KLC3: variants seen among roughly 807,000 people sequenced by gnomAD.
The protein encoded by KLC3 is kinesin light chain 3, also known as kinesin light chain 2.
A neutral mutation model predicts 62.9 loss-of-function variants in KLC3; 72 were observed. The observed-to-expected ratio is 1.15, with a 90% confidence interval of 0.95 to 1.39. KLC3 has a LOEUF of 1.39. KLC3 is among the 40% of genes most tolerant of loss of function. The pLI is 0.00. For synonymous variants in KLC3, 377 were observed against 300.5 expected (o/e 1.25, Z -2.63); for missense variants, 848 against 691.6 (o/e 1.23, Z -2.54).
chr19:45,342,354 G>A (rs1263675145), intron 1 of KLC3, among the ~76,000 whole-genome samples: 1 of 152,170 alleles, frequency 6.6e-6, no homozygotes, highest in East Asian at 1.9e-4. Flanking sequence ...GGGAGGCTGA[G>A]GCGGCGGGGA....
chr19:45,349,925 G>A (rs1326383070), intron 8 of KLC3: 1 of 429,254 alleles, frequency 2.3e-6, no homozygotes, highest in Non-Finnish European at 4.2e-6. Context: ...GCGTCCCTAT[G>A]AGGTGGGAGC....
chr19:45,350,500 A>G lies in KLC3; in HGVS notation c.1235-14A>G, dbSNP rs769867878. The stretch of plus-strand genomic sequence containing the variant: ...CTATGTCCCCATCTCAGTGTCCCCC[A>G]TCTTTCCCCCTAGGTGCCCCCAACA... On this transcript the variant is annotated splice_polypyrimidine_tract_variant and intron_variant, in intron 9 of 12. Coordinates refer to ENST00000391946, the MANE Select transcript of KLC3 (RefSeq NM_177417.3). The G allele has an allele frequency of 8.7e-6, 14 of 1,611,360 alleles. No individual in the cohort carries two copies. The highest frequency in any genetic ancestry group is 9.3e-6 in the Non-Finnish European group (11 of 1,179,136).
In KLC3 at chr19:45,348,018, C is replaced by A. The variant is rs1251256835; in HGVS notation, c.637C>A (p.Leu213Ile). The change falls in exon 5 of 13, where the codon CTC becomes ATC. Residue 213 changes from leucine to isoleucine, a missense_variant. By Grantham distance (5) the Leu-to-Ile change is conservative. Transcript: ENST00000391946. ...IPARLRTLHN[L>I]VIQYAGQGRY... The stretch of plus-strand genomic sequence containing the variant: ...TGCCCGCCTTCGGACCCTGCATAAC[C>A]TCGTGATCCAGTACGCGGGGCAGGG... 1 of 1,609,354 alleles carries A rather than the reference C, an allele frequency of 6.2e-7. No homozygotes were observed. Among genetic ancestry groups the A allele is most frequent in the Non-Finnish European group, 8.5e-7 (1 of 1,178,028 alleles).
chr19:45,341,110 G>C (rs918206279), intron 1 of KLC3, among the ~76,000 whole-genome samples: 1 of 152,128 alleles, frequency 6.6e-6, no homozygotes, highest in Non-Finnish European at 1.5e-5. Context: ...CCTGGTGCGC[G>C]GGGCTGGGCA....
rs1244015281 is a variant in KLC3, at chr19:45,348,128, C to T, written c.747C>T (p.Ala249=). The T allele has an allele frequency of 3.8e-6, 6 of 1,599,344 alleles. No individual in the cohort carries two copies. The highest frequency in any genetic ancestry group is 2.3e-5 in the East Asian group (1 of 44,264). The change falls in exon 5 of 13, where the codon GCC becomes GCT. Residue 249 remains alanine, a synonymous_variant. Coordinates refer to ENST00000391946, the MANE Select transcript of KLC3 (RefSeq NM_177417.3). ...RSSGHCHPDV[A]TMLNILALVY... ...CGGGCCACTGCCACCCTGACGTGGC[C>T]ACCATGCTCAACATCCTGGCGCTGG...
chr19:45,350,225 C>A, intron 8 of KLC3, 116 bp from the exon 9 acceptor site: 1 of 749,768 alleles, frequency 1.3e-6, no homozygotes. Flanking sequence ...AGTTCAAGAC[C>A]AGCCTGGGCA....
intron 1 of KLC3, among the ~76,000 whole-genome samples, chr19:45,343,421 G>A (rs189671933): frequency 3.9e-5 from 6 of 152,026 alleles, no homozygotes; most frequent in Non-Finnish European, 5.9e-5. Context: ...TGCAACCTCC[G>A]CCTCTCAGGT....
At position 45,346,756 on chromosome 19, in the gene KLC3, C is replaced by T; in HGVS notation, c.471C>T (p.Asp157=). 6.3e-7 allele frequency: 1 copy of T among 1,583,462 alleles called. No homozygotes were observed. The highest frequency in any genetic ancestry group is 8.6e-7 in the Non-Finnish European group (1 of 1,165,700). Reference sequence around the variant, plus strand: ...TCCTGGGGCAGCTGCGACAGTACGACCCACCGGCGGAGAGCCAGGTGCCAC... The same window carrying T: ...TCCTGGGGCAGCTGCGACAGTACGATCCACCGGCGGAGAGCCAGGTGCCAC... The part of the protein sequence containing the change: ...LEFLGQLRQY[D]PPAESQQSES... The change falls in exon 3 of 13, where the codon GAC becomes GAT. Residue 157 remains aspartate (D), a synonymous_variant. Transcript: ENST00000391946.
chr19:45,346,483 G>A, intron 2 of KLC3, 61 bp from the exon 3 acceptor site: 1 of 1,402,588 alleles, frequency 7.1e-7, no homozygotes, highest in Non-Finnish European at 9.6e-7. Context: ...GCCTGGGCTG[G>A]GTCAGGGGCC....
Position 45,346,527 on chromosome 19 carries a change from AC to A in KLC3, c.259-12del. 1.3e-6 allele frequency: 2 copies of A among 1,511,626 alleles called. No individual in the cohort carries two copies. The allele number at this position is 1,511,626 out of a possible 1,614,324, so 93.6% of individuals were successfully genotyped here. A position where few individuals can be genotyped will look rare whatever the true frequency, so the allele number is the denominator to read the frequency against. On this transcript the variant is annotated splice_polypyrimidine_tract_variant and intron_variant, in intron 2 of 12. Transcript: ENST00000391946. ...GGGCAGGAACCAACCTCGACTTGGG[AC>A]CCCCACCCCGGGCAGGTGCTGCTGG...
chr19:45,345,307 C>T (rs546372437), intron 1 of KLC3: 35 of 624,288 alleles, frequency 5.6e-5, no homozygotes, highest in African/African-American at 5.2e-4. Flanking sequence ...GTTGGGAGGA[C>T]AGACGAAGGT....
rs773883702 is a variant in KLC3 at position 45,350,682 on chromosome 19, T to TATCA, written c.1315_1318dup (p.Arg440AsnfsTer6). ...GCTCACTCTCCAAGATCCGTGAGTC[T>TATCA]ATCAGGCGAGGAAGTGAGAAGCTGG... On this transcript the variant is annotated frameshift_variant, in exon 11 of 13. Coordinates refer to ENST00000391946, the MANE Select transcript of KLC3 (RefSeq NM_177417.3). LOFTEE classifies it high-confidence loss of function. The TATCA allele has an allele frequency of 4.0e-5, 65 of 1,613,774 alleles. No individual in the cohort carries two copies. The highest frequency in any genetic ancestry group is 4.0e-4 in the East Asian group (18 of 44,840).
In KLC3 at chr19:45,346,636, G is replaced by A; in HGVS notation, c.351G>A (p.Val117=). 6.4e-7 allele frequency: 1 copy of A among 1,554,074 alleles called. No homozygotes were observed. The highest frequency in any genetic ancestry group is 8.7e-7 in the Non-Finnish European group (1 of 1,149,206). The part of the protein sequence containing the change: ...SQARRLAQEN[V]WLREELEETQ... Reference sequence around the variant, plus strand: ...CCCGGCGGCTGGCCCAGGAGAACGTGTGGCTGCGGGAGGAACTGGAGGAGA... The same window carrying A: ...CCCGGCGGCTGGCCCAGGAGAACGTATGGCTGCGGGAGGAACTGGAGGAGA... The change falls in exon 3 of 13, where the codon GTG becomes GTA. Residue 117 remains valine, a synonymous_variant. Coordinates refer to ENST00000391946, the MANE Select transcript of KLC3 (RefSeq NM_177417.3).
At position 45,351,396 on chromosome 19, in the gene KLC3, A is replaced by G. The variant is rs753595383; in HGVS notation, c.*39A>G. The G allele has an allele frequency of 3.7e-6, 6 of 1,601,442 alleles. No individual in the cohort carries two copies. The South Asian group carries it at 6.6e-5, about 18-fold the overall frequency. ...GCGCTGGCCGCAGCTTCTTGGGAAC[A>G]GTGCAGGAGGGATGGGCTGGTGGGG... On this transcript the variant is annotated 3_prime_UTR_variant, in exon 13 of 13. Coordinates refer to ENST00000391946, the MANE Select transcript of KLC3 (RefSeq NM_177417.3).
At chr19:45,342,114 G>A (rs1971408544) in intron 1 of KLC3, among the ~76,000 whole-genome samples, 1 of 152,130 alleles carries the variant, frequency 6.6e-6, no homozygotes. Flanking sequence ...CAATCTGGCT[G>A]TGGAGTGGTG....
At chr19:45,350,302 TG>T (rs757943678) in intron 8 of KLC3, 38 bp from the exon 9 acceptor site, 1 of 1,515,880 alleles carries the variant, frequency 6.6e-7, no homozygotes, top group South Asian at 1.1e-5. Context: ...TGTTGGGAAC[TG>T]GGGTCCGAAA....
At chr19:45,350,148 G>A (rs368504651) in intron 8 of KLC3, 193 bp from the exon 9 acceptor site, 11 of 591,758 alleles carry the variant, frequency 1.9e-5, no homozygotes, top group South Asian at 4.1e-5. Flanking sequence ...GGGGCCAGAC[G>A]TGGTGGTTCA....
chr19:45,341,578 T>TGTGTGTGTGCGCGCGCAC, intron 1 of KLC3, among the ~76,000 whole-genome samples: 6 of 139,798 alleles, frequency 4.3e-5, no homozygotes, highest in Non-Finnish European at 9.3e-5. Context: ...TGTGTGTGTG[T>TGTGTGTGTGCGCGCGCAC]GCGCGCGCGC....
At chr19:45,347,579 T>A in intron 4 of KLC3, 63 bp downstream of exon 4, 1 of 1,447,132 alleles carries the variant, frequency 6.9e-7, no homozygotes, top group Non-Finnish European at 9.5e-7. Flanking sequence ...GGCTCTGAGC[T>A]GCAGGACCCC....
Sources: gnomAD v4.1 joint callset for allele counts (sites outside exome capture counted in the v4.1 genomes callset) on GRCh38, gnomAD v4.1.1 for gene constraint, MANE v1.5 for transcripts, NCBI Gene and HGNC (gene_info 2026-07-23, HGNC 2026-07-21) for gene names.